COL5A2: variants seen among roughly 807,000 people sequenced by gnomAD.
The protein encoded by COL5A2 is collagen alpha-2(V) chain.
COL5A2 carries 23 observed loss-of-function variants against 208.2 expected under a neutral mutation model. The observed-to-expected ratio is 0.11, with a 90% CI of 0.08 to 0.16. COL5A2 has a LOEUF of 0.16. Among genes scored for constraint, COL5A2 ranks in the 10% least tolerant of loss-of-function variants. The pLI is 1.00. For missense variants in COL5A2, 1,590 were observed against 1,956.4 expected (o/e 0.81, Z 3.53); for synonymous variants, 625 against 628.5 (o/e 0.99, Z 0.08).
At chr2:189,370,102 G>A in the COL5A2 span, among the ~76,000 whole-genome samples, 24 of 152,106 alleles carry the variant, frequency 1.6e-4, 1 homozygote, top group Admixed American at 1.4e-3. Flanking sequence ...ATGACTCCCT[G>A]TTGCATTTAA....
At chr2:189,348,079 G>A in the COL5A2 span, among the ~76,000 whole-genome samples, 1 of 152,008 alleles carries the variant, frequency 6.6e-6, no homozygotes, top group East Asian at 1.9e-4. Context: ...ACCAAAGGAG[G>A]GTATGTGGGA....
At chr2:189,037,154 G>C (rs969856610) in intron 51 of COL5A2, among the ~76,000 whole-genome samples, 2 of 152,094 alleles carry the variant, frequency 1.3e-5, no homozygotes, top group African/African-American at 4.8e-5. Flanking sequence ...AAGCAAATTA[G>C]AATGAGTGTA....
At chr2:189,064,895 C>T in intron 24 of COL5A2, 109 bp downstream of exon 24, 1 of 1,075,136 alleles carries the variant, frequency 9.3e-7, no homozygotes, top group South Asian at 1.3e-5. Context: ...GTATCCATCT[C>T]CTTTCTGGAT....
intron 16 of COL5A2, among the ~76,000 whole-genome samples, chr2:189,078,008 A>G (rs1686448690): frequency 6.6e-6 from 1 of 152,198 alleles, no homozygotes; most frequent in African/African-American, 2.4e-5. Context: ...AATAGTCTGC[A>G]AGAGTATTTC....
the COL5A2 span, among the ~76,000 whole-genome samples, chr2:189,420,302 A>G: frequency 3.0e-3 from 457 of 152,310 alleles, 1 homozygote; most frequent in Admixed American, 4.9e-3. Context: ...ATTACTTAGT[A>G]AACATAATTA....
chr2:189,409,971 G>C, the COL5A2 span, among the ~76,000 whole-genome samples: 2 of 152,120 alleles, frequency 1.3e-5, no homozygotes, highest in Admixed American at 1.3e-4. Flanking sequence ...TAATGGAAGA[G>C]AGCAATATGA....
chr2:189,227,923 A>C (rs1689439509), upstream of COL5A2, among the ~76,000 whole-genome samples: 1 of 152,020 alleles, frequency 6.6e-6, no homozygotes. Flanking sequence ...TATAGATCAC[A>C]TACTAGGTCA....
intron 1 of COL5A2, among the ~76,000 whole-genome samples, chr2:189,174,098 T>C (rs1270467348): frequency 4.6e-5 from 7 of 152,168 alleles, no homozygotes; most frequent in Non-Finnish European, 1.0e-4. Context: ...TCTGTGGCCA[T>C]AGATTAACAC....
intron 50 of COL5A2, 117 bp from the exon 51 acceptor site, chr2:189,039,680 TC>T (rs1355724377): frequency 4.0e-6 from 4 of 1,008,192 alleles, no homozygotes; most frequent in Non-Finnish European, 5.8e-6. Context: ...TAAAGGGAGA[TC>T]TATGACTCGC....
the COL5A2 span, among the ~76,000 whole-genome samples, chr2:189,407,538 A>T: frequency 6.6e-6 from 1 of 152,284 alleles, no homozygotes; most frequent in African/African-American, 2.4e-5. Context: ...GACCAATTTA[A>T]TGTTTTAATG....
chr2:189,281,006 C>G, the COL5A2 span, among the ~76,000 whole-genome samples: 1 of 151,830 alleles, frequency 6.6e-6, no homozygotes, highest in Admixed American at 6.6e-5. Flanking sequence ...TTGCACCAAT[C>G]TAATACATTA....
intron 1 of COL5A2, among the ~76,000 whole-genome samples, chr2:189,148,992 T>C (rs2105784295): frequency 6.6e-6 from 1 of 152,082 alleles, no homozygotes; most frequent in East Asian, 1.9e-4. Context: ...ATACAAAAAA[T>C]TAATTGGGCG....
In COL5A2 at chr2:189,172,411, T is replaced by A. The variant is rs575464694; in HGVS notation, c.97+7097A>T. Among the ~76,000 whole-genome samples the A allele has an allele frequency of 2.0e-5, 3 of 152,306 alleles. No individual in the cohort carries two copies. In the East Asian group the frequency reaches 5.8e-4, roughly 29 times the overall value. Reference sequence around the variant, plus strand: ...ACACCACTAGGGTTTATATCTGTGGTCAGTGAAGTAGATTGTAATGTCACT... The same window carrying A: ...ACACCACTAGGGTTTATATCTGTGGACAGTGAAGTAGATTGTAATGTCACT... On this transcript the variant is annotated intron_variant, in intron 1 of 53. Coordinates refer to ENST00000374866, the MANE Select transcript of COL5A2 (RefSeq NM_000393.5).
At chr2:189,239,731 A>G in the COL5A2 span, among the ~76,000 whole-genome samples, 47 of 151,716 alleles carry the variant, frequency 3.1e-4, 1 homozygote, top group African/African-American at 9.7e-4. Context: ...TAACTAACCT[A>G]CACATTGTGC....
At chr2:189,045,329 CAT>C (rs202224256) in intron 46 of COL5A2, 97 bp from the exon 47 acceptor site, 977 of 699,806 alleles carry the variant, frequency 1.4e-3, no homozygotes, top group South Asian at 5.8e-3. Context: ...TAGTTGGATG[CAT>C]ATATATATAT....
Position 189,179,735 on chromosome 2 carries a change from T to C in COL5A2, c.-131A>G. 6.7e-7 allele frequency: 1 copy of C among 1,493,740 alleles called. No homozygotes were observed. The highest frequency in any genetic ancestry group is 9.0e-7 in the Non-Finnish European group (1 of 1,108,272). 92.5% of individuals were successfully genotyped at this position (1,493,740 alleles called of 1,614,324 possible). On this transcript the variant is annotated 5_prime_UTR_variant, in exon 1 of 54. Coordinates refer to ENST00000374866, the MANE Select transcript of COL5A2 (RefSeq NM_000393.5). ...AGGGCAGCCTCTGCAAACCCCCTTT[T>C]TCAGCACCAGCTCCAGCACAGTCTG...
At chr2:189,327,866 A>G in the COL5A2 span, among the ~76,000 whole-genome samples, 1 of 152,342 alleles carries the variant, frequency 6.6e-6, no homozygotes, top group East Asian at 1.9e-4. Flanking sequence ...TGCTGAATCA[A>G]TTTAGGGCTC....
chr2:189,063,599 A>G (rs1264276246), intron 26 of COL5A2, among the ~76,000 whole-genome samples: 1 of 152,164 alleles, frequency 6.6e-6, no homozygotes, highest in East Asian at 1.9e-4. Context: ...ATTGCAGAAC[A>G]AGGGAAGATC....
At chr2:189,080,675 T>C (rs113866938) in intron 13 of COL5A2, among the ~76,000 whole-genome samples, 6,259 of 152,252 alleles carry the variant, frequency 0.041, 207 homozygotes, top group Non-Finnish European at 0.065. Flanking sequence ...AGGAATTGCC[T>C]ACCTTTTCAT....
Sources: gnomAD v4.1 joint callset for allele counts (sites outside exome capture counted in the v4.1 genomes callset) on GRCh38, gnomAD v4.1.1 for gene constraint, MANE v1.5 for transcripts, NCBI Gene and HGNC (gene_info 2026-07-23, HGNC 2026-07-21) for gene names.